The following ABTB2 variants were observed in gnomAD, a reference collection of about 807,000 sequenced individuals.
The protein encoded by ABTB2 is ankyrin repeat and BTB/POZ domain-containing protein 2.
ABTB2 carries 56 observed loss-of-function variants against 104.1 expected under a neutral mutation model. The ratio of observed to expected loss-of-function variants is 0.54; its 90% CI spans 0.43 to 0.67. The LOEUF is 0.67. ABTB2 is among the 30% of genes least tolerant of loss of function. ABTB2 has a pLI of 0.00. For missense variants in ABTB2, 1,279 were observed against 1,407.7 expected (o/e 0.91, Z 1.46); for synonymous variants, 606 against 608.2 (o/e 1.00, Z 0.05).
In ABTB2 at chr11:34,167,274, G is replaced by A. The variant is rs754920178; in HGVS notation, c.1740C>T (p.His580=). 26 of 1,611,690 alleles carry A rather than the reference G, an allele frequency of 1.6e-5. No individual in the cohort carries two copies. Among genetic ancestry groups the A allele is most frequent in the Non-Finnish European group, 2.1e-5 (25 of 1,178,988 alleles). The part of the protein sequence containing the change: ...TSLTFAVLHG[H]ISVVQLLLDA... ...AGGAGCTCACCTGGACCACAGAGATGTGTCCATGCAGCACAGCGAATGTCA... is the reference window on the plus strand; with the variant it reads ...AGGAGCTCACCTGGACCACAGAGATATGTCCATGCAGCACAGCGAATGTCA... The change falls in exon 7 of 17, where the codon CAC becomes CAT. Residue 580 remains histidine, a synonymous_variant. Transcript: ENST00000435224.
At chr11:34,344,651 T>A (rs1855307304) in intron 1 of ABTB2, among the ~76,000 whole-genome samples, 1 of 152,146 alleles carries the variant, frequency 6.6e-6, no homozygotes, top group South Asian at 2.1e-4. Context: ...TGTGCACCAT[T>A]ATACCTGGCT....
At chr11:34,308,759 T>C (rs1590250528) in intron 1 of ABTB2, among the ~76,000 whole-genome samples, 1 of 150,714 alleles carries the variant, frequency 6.6e-6, no homozygotes, top group Non-Finnish European at 1.5e-5. Context: ...TATTCCCAGC[T>C]ACTCAGGAGG....
At chr11:34,184,511 A>T (rs900312406) in intron 3 of ABTB2, among the ~76,000 whole-genome samples, 2 of 152,200 alleles carry the variant, frequency 1.3e-5, no homozygotes, top group African/African-American at 2.4e-5. Context: ...CCAGGGCGGC[A>T]TTTCGTGTGG....
intron 3 of ABTB2, among the ~76,000 whole-genome samples, chr11:34,178,490 C>T (rs866281164): frequency 6.6e-6 from 1 of 152,198 alleles, no homozygotes; most frequent in South Asian, 2.1e-4. Context: ...TGTGTGAGAA[C>T]TCCAGGGTGA....
In ABTB2 at chr11:34,245,279, C is replaced by T. The variant is rs139853153; in HGVS notation, c.884-40589G>A. Reference sequence around the variant, plus strand: ...CTACCCCACCACACTGCCACCCTGGCGAGAGCTGAGGACCAGCACAGCCTC... The same window carrying T: ...CTACCCCACCACACTGCCACCCTGGTGAGAGCTGAGGACCAGCACAGCCTC... On this transcript the variant is annotated intron_variant, in intron 1 of 16. Coordinates refer to ENST00000435224, the MANE Select transcript of ABTB2 (RefSeq NM_145804.3). 1.6e-3 allele frequency among the ~76,000 whole-genome samples: 250 copies of T among 152,308 alleles called. 1 individual carries two copies. The highest frequency in any genetic ancestry group is 0.01 in the Middle Eastern group (3 of 294).
chr11:34,248,369 G>A (rs965327183), intron 1 of ABTB2, among the ~76,000 whole-genome samples: 1 of 152,018 alleles, frequency 6.6e-6, no homozygotes, highest in Admixed American at 6.6e-5. Context: ...CTAGGTATGA[G>A]CCACTGTACC....
rs1852781776 is a variant in ABTB2, at chr11:34,165,260, C to T, written c.1852G>A (p.Gly618Arg). The T allele has an allele frequency of 1.3e-6, 2 of 1,548,932 alleles. No homozygotes were observed. The highest frequency in any genetic ancestry group is 2.7e-5 in the African/African-American group (2 of 73,058). ...ETPLQLASAA[G>R]NYELVSLLLS... ...GAGCCTCCGGGTAGCAGGTGCCTAC[C>T]TGCCGCAGAGGCCAGCTGCAGGGGC... Residue 618 changes from glycine to arginine, a missense_variant and splice_region_variant, in exon 8 of 17, where the codon GGG becomes AGG. Gly to Arg is a moderately radical substitution (Grantham distance 125). Transcript: ENST00000435224.
At chr11:34,309,533 A>G (rs1854824629) in intron 1 of ABTB2, among the ~76,000 whole-genome samples, 1 of 152,250 alleles carries the variant, frequency 6.6e-6, no homozygotes, top group Non-Finnish European at 1.5e-5. Flanking sequence ...GGACAGAGTC[A>G]GAAGCTAGGC....
At chr11:34,153,035 A>G (rs904508975) in intron 16 of ABTB2, among the ~76,000 whole-genome samples, 1 of 152,068 alleles carries the variant, frequency 6.6e-6, no homozygotes. Context: ...TGGGAGAGAC[A>G]GACAGAATCT....
chr11:34,293,182 T>G (rs1461287582), intron 1 of ABTB2, among the ~76,000 whole-genome samples: 2 of 152,052 alleles, frequency 1.3e-5, no homozygotes, highest in Non-Finnish European at 2.9e-5. Flanking sequence ...CTGCTAGGTT[T>G]TCAGCAGAGT....
chr11:34,266,740 T>C (rs534727449), intron 1 of ABTB2, among the ~76,000 whole-genome samples: 1 of 152,226 alleles, frequency 6.6e-6, no homozygotes, highest in Admixed American at 6.5e-5. Flanking sequence ...ACTGTGCTCC[T>C]TGGAGGGTTT....
At chr11:34,238,737 T>G (rs1243438866) in intron 1 of ABTB2, among the ~76,000 whole-genome samples, 1 of 152,208 alleles carries the variant, frequency 6.6e-6, no homozygotes, top group Non-Finnish European at 1.5e-5. Context: ...TCCTTGTGTT[T>G]GATCCCATTA....
chr11:34,285,626 C>T (rs1854496669), intron 1 of ABTB2, among the ~76,000 whole-genome samples: 1 of 152,142 alleles, frequency 6.6e-6, no homozygotes, highest in African/African-American at 2.4e-5. Flanking sequence ...GGGCCTGCTG[C>T]TCTACCCTGG....
chr11:34,283,268 T>C (rs1854469549), intron 1 of ABTB2, among the ~76,000 whole-genome samples: 1 of 151,814 alleles, frequency 6.6e-6, no homozygotes, highest in African/African-American at 2.4e-5. Flanking sequence ...CAGGCTGGAG[T>C]GCAGTGGCAC....
At chr11:34,199,769 C>T (rs1219585143) in intron 2 of ABTB2, among the ~76,000 whole-genome samples, 5 of 152,180 alleles carry the variant, frequency 3.3e-5, no homozygotes, top group Admixed American at 3.3e-4. Flanking sequence ...AGTATCTACC[C>T]TACTGATTTT....
At chr11:34,335,810 C>T in intron 1 of ABTB2, 1 of 1,345,846 alleles carries the variant, frequency 7.4e-7, no homozygotes, top group Non-Finnish European at 1.1e-6. Flanking sequence ...TCTTGAGGTC[C>T]AAACGGTCCC....
intron 1 of ABTB2, among the ~76,000 whole-genome samples, chr11:34,222,933 G>C (rs1431178756): frequency 1.3e-5 from 2 of 152,186 alleles, no homozygotes; most frequent in South Asian, 2.1e-4. Flanking sequence ...CCTTTCCCTG[G>C]GGAGCACCTT....
intron 1 of ABTB2, among the ~76,000 whole-genome samples, chr11:34,246,997 A>G (rs2755173): frequency 0.57 from 86,932 of 151,376 alleles, 25,186 homozygotes; most frequent in African/African-American, 0.63. Flanking sequence ...ACAGGCATGC[A>G]CCAACATGCC....
chr11:34,335,644 T>G (rs1183782818), intron 1 of ABTB2: 1 of 1,455,168 alleles, frequency 6.9e-7, no homozygotes, highest in Non-Finnish European at 9.6e-7. Context: ...CTGAAATTCA[T>G]TCACATATTG....
Sources: allele counts gnomAD v4.1 joint callset (sites outside exome capture counted in the v4.1 genomes callset), GRCh38; gene constraint gnomAD v4.1.1; transcripts MANE v1.5; gene names NCBI Gene and HGNC (gene_info 2026-07-23, HGNC 2026-07-21).